STXBP6: variants seen among roughly 807,000 people sequenced by gnomAD.
The protein encoded by STXBP6 is syntaxin binding protein 6, also known as syntaxin-binding protein 6.
A neutral mutation model predicts 26.9 loss-of-function variants in STXBP6; 21 were observed. The ratio of observed to expected loss-of-function variants is 0.78; its 90% confidence interval spans 0.55 to 1.12. The LOEUF is 1.12. Among genes scored for constraint, STXBP6 ranks in the 50% most tolerant of loss-of-function variants. STXBP6 has a pLI of 0.00. For synonymous variants in STXBP6, 97 were observed against 92.6 expected (o/e 1.05, Z -0.27); for missense variants, 232 against 257.9 (o/e 0.90, Z 0.69).
chr14:24,887,568 G>T (rs2070636828), intron 2 of STXBP6, among the ~76,000 whole-genome samples: 1 of 151,986 alleles, frequency 6.6e-6, no homozygotes, highest in Non-Finnish European at 1.5e-5. Flanking sequence ...TTAAATCTTT[G>T]CTGTAGGCAC....
chr14:24,937,696 A>G (rs1461995119), intron 2 of STXBP6, among the ~76,000 whole-genome samples: 2 of 152,248 alleles, frequency 1.3e-5, no homozygotes, highest in Non-Finnish European at 2.9e-5. Context: ...TATGTTTTAA[A>G]CATGTATATA....
At chr14:24,849,260 T>C (rs2069066274) in intron 4 of STXBP6, among the ~76,000 whole-genome samples, 1 of 152,120 alleles carries the variant, frequency 6.6e-6, no homozygotes, top group South Asian at 2.1e-4. Flanking sequence ...AAAGATATAT[T>C]GGCTGCAATG....
chr14:24,958,928 T>C (rs796148102), intron 2 of STXBP6, among the ~76,000 whole-genome samples: 1 of 152,266 alleles, frequency 6.6e-6, no homozygotes, highest in African/African-American at 2.4e-5. Context: ...AAATGAATGC[T>C]TCCAACAGAC....
At chr14:25,026,472 A>G (rs2075351692) in intron 1 of STXBP6, among the ~76,000 whole-genome samples, 1 of 152,210 alleles carries the variant, frequency 6.6e-6, no homozygotes, top group Admixed American at 6.5e-5. Context: ...TCAGCACCCC[A>G]TAATCAAACA....
intron 2 of STXBP6, among the ~76,000 whole-genome samples, chr14:24,887,418 C>G (rs1241633): frequency 0.43 from 65,015 of 151,992 alleles, 14,098 homozygotes; most frequent in East Asian, 0.54. Context: ...AAAGGTTTAT[C>G]TTTTAGAGGA....
chr14:24,819,129 A>G lies in STXBP6; in HGVS notation c.517T>C (p.Leu173=). 18 of 1,614,112 alleles carry G rather than the reference A, an allele frequency of 1.1e-5. No homozygotes were observed. Among genetic ancestry groups the G allele is most frequent in the Non-Finnish European group, 1.5e-5 (18 of 1,179,996 alleles). ...TSAVQKASQA[L]NERGERLGRA... is the part of the protein sequence containing the mutation. ...CCTAATCGCTCTCCACGCTCATTCA[A>G]GGCCTGGCTTGCCTTCTGCACTGCG... The change falls in exon 5 of 6, where the codon TTG becomes CTG. Residue 173 remains leucine (L), a synonymous_variant. Transcript: ENST00000323944.
Position 24,974,836 on chromosome 14 carries a change from C to T in STXBP6, c.-18G>A. 6.4e-7 allele frequency: 1 copy of T among 1,568,642 alleles called. No individual in the cohort carries two copies. On this transcript the variant is annotated 5_prime_UTR_variant, in exon 2 of 6. Transcript: ENST00000323944. The stretch of plus-strand genomic sequence containing the variant: ...GCACTCATTGTAGAACAAGTGAGGA[C>T]AGCACGCAGTGAATCTTTTAAAGAA...
intron 4 of STXBP6, among the ~76,000 whole-genome samples, chr14:24,852,815 A>G (rs1225871158): frequency 1.3e-5 from 2 of 152,130 alleles, no homozygotes; most frequent in African/African-American, 4.8e-5. Context: ...AGGGGGCACC[A>G]TTCATAACAA....
At position 24,812,747 on chromosome 14, in the gene STXBP6, G is replaced by C. The variant is rs888484634; in HGVS notation, c.610-15C>G. On this transcript the variant is annotated splice_polypyrimidine_tract_variant and intron_variant, in intron 5 of 5. Coordinates refer to ENST00000323944, the MANE Select transcript of STXBP6 (RefSeq NM_001394410.1). ...TTCATGGCAAGCTAAGGAGAGAGAG[G>C]AATGAGAAAAGTAAGACTTTATTAG... 2 of 1,613,490 alleles carry C rather than the reference G, an allele frequency of 1.2e-6. No homozygotes were observed. Among genetic ancestry groups the C allele is most frequent in the African/African-American group, 2.7e-5 (2 of 75,014 alleles).
At chr14:24,928,648 C>T (rs759669073) in intron 2 of STXBP6, among the ~76,000 whole-genome samples, 2 of 152,132 alleles carry the variant, frequency 1.3e-5, no homozygotes, top group Non-Finnish European at 2.9e-5. Flanking sequence ...AACACAGAGC[C>T]GAAATCATTT....
At chr14:25,030,156 T>C (rs1038848770) in intron 1 of STXBP6, among the ~76,000 whole-genome samples, 2 of 152,172 alleles carry the variant, frequency 1.3e-5, no homozygotes, top group African/African-American at 2.4e-5. Context: ...TTAGATAGCA[T>C]TGGGATTGCA....
In STXBP6 at chr14:24,811,135, C is replaced by G. The variant is rs2067811866; in HGVS notation, c.*1574G>C. On this transcript the variant is annotated 3_prime_UTR_variant, in exon 6 of 6. Transcript: ENST00000323944. ...TCTAAAAGGATTCTGAAATCTGTCT[C>G]CGACAAATCTCATCTCCCTTTTAAT... The G allele has an allele frequency of 6.6e-6, 1 of 152,006 alleles. No homozygotes were observed. 9.4% of individuals were successfully genotyped at this position (152,006 alleles called of 1,614,324 possible). A position where few individuals can be genotyped will look rare whatever the true frequency, so the allele number is the denominator to read the frequency against.
intron 4 of STXBP6, among the ~76,000 whole-genome samples, chr14:24,851,994 G>A (rs1210588122): frequency 6.6e-6 from 1 of 152,122 alleles, no homozygotes; most frequent in African/African-American, 2.4e-5. Flanking sequence ...TCTGAGTCAT[G>A]CAGCATGTTT....
chr14:24,966,973 T>A (rs925528000), intron 2 of STXBP6, among the ~76,000 whole-genome samples: 1 of 152,214 alleles, frequency 6.6e-6, no homozygotes, highest in Non-Finnish European at 1.5e-5. Context: ...TAAAGCCGTA[T>A]GAGAGGGTAA....
At chr14:24,956,609 G>C (rs1437264411) in intron 2 of STXBP6, among the ~76,000 whole-genome samples, 1 of 152,034 alleles carries the variant, frequency 6.6e-6, no homozygotes, top group African/African-American at 2.4e-5. Context: ...CTGCCTGCTG[G>C]GGTTTAAGAC....
At chr14:24,986,191 C>A (rs2074327751) in intron 1 of STXBP6, among the ~76,000 whole-genome samples, 1 of 152,160 alleles carries the variant, frequency 6.6e-6, no homozygotes, top group South Asian at 2.1e-4. Context: ...AAACCTCTAG[C>A]CCATAGAGTT....
At chr14:24,971,659 C>T (rs1281318339) in intron 2 of STXBP6, among the ~76,000 whole-genome samples, 1 of 152,178 alleles carries the variant, frequency 6.6e-6, no homozygotes, top group African/African-American at 2.4e-5. Context: ...ATTCCCTCTG[C>T]CTGGAATGCC....
intron 2 of STXBP6, among the ~76,000 whole-genome samples, chr14:24,899,192 C>T (rs2071112143): frequency 6.6e-6 from 1 of 152,160 alleles, no homozygotes; most frequent in Non-Finnish European, 1.5e-5. Flanking sequence ...CACAACCGTA[C>T]ATAAATTTGA....
At chr14:24,836,687 A>G (rs1469134369) in intron 4 of STXBP6, among the ~76,000 whole-genome samples, 1 of 151,442 alleles carries the variant, frequency 6.6e-6, no homozygotes, top group East Asian at 1.9e-4. Flanking sequence ...AATTTTCCCT[A>G]TGTTAGTCCT....
Sources: gnomAD v4.1 joint callset for allele counts (sites outside exome capture counted in the v4.1 genomes callset) on GRCh38, gnomAD v4.1.1 for gene constraint, MANE v1.5 for transcripts, NCBI Gene and HGNC (gene_info 2026-07-23, HGNC 2026-07-21) for gene names.